Variants in CHST12 observed in about 807,000 individuals in gnomAD.
The protein encoded by CHST12 is carbohydrate sulfotransferase 12, also known as carbohydrate (chondroitin 4) sulfotransferase 12.
A neutral mutation model predicts 27.9 loss-of-function variants in CHST12; 23 were observed. The ratio of observed to expected loss-of-function variants is 0.82; its 90% CI spans 0.59 to 1.17. The LOEUF (loss-of-function observed/expected upper bound fraction) is 1.17, where lower values mean the gene tolerates loss of function less well. Among genes scored for constraint, CHST12 ranks in the 50% most tolerant of loss-of-function variants. The pLI is 0.00. For missense variants in CHST12, 682 were observed against 603.0 expected (o/e 1.13, Z -1.37); for synonymous variants, 322 against 273.0 (o/e 1.18, Z -1.77).
At chr7:2,422,418 A>G (rs1215880781) in intron 1 of CHST12, among the ~76,000 whole-genome samples, 1 of 147,818 alleles carries the variant, frequency 6.8e-6, no homozygotes, top group Non-Finnish European at 1.5e-5. Context: ...CTTATTTTGT[A>G]TTTTTAGTAG....
In CHST12 at chr7:2,417,226, C is replaced by CTTT. The variant is rs1210382918; in HGVS notation, c.-78+13567_-78+13569dup. ...GAGAGAGTTGATTCTCTTACTCTAC[C>CTTT]TTTTTTTTTTTTTTTTGAGGCAGAG... On this transcript the variant is annotated intron_variant, in intron 1 of 1. Transcript: ENST00000618655. Among the ~76,000 whole-genome samples, 4 of 139,092 alleles carry CTTT rather than the reference C, an allele frequency of 2.9e-5. No individual in the cohort carries two copies. The South Asian group carries it at 6.9e-4, about 24-fold the overall frequency. The allele number at this position is 139,092 out of a possible 152,430, so 91.2% of individuals were successfully genotyped here. A position where few individuals can be genotyped will look rare whatever the true frequency, so the allele number is the denominator to read the frequency against.
At chr7:2,404,192 C>T (rs1053781744) in intron 1 of CHST12, 1 of 152,378 alleles carries the variant, frequency 6.6e-6, no homozygotes, top group Non-Finnish European at 1.5e-5. Flanking sequence ...CTGCAGACGC[C>T]AGCAGCACCG....
intron 1 of CHST12, among the ~76,000 whole-genome samples, chr7:2,413,955 C>G (rs1029730757): frequency 2.0e-5 from 3 of 152,026 alleles, no homozygotes; most frequent in African/African-American, 7.2e-5. Context: ...TCTTGAACTT[C>G]TGACCTCAGG....
chr7:2,432,487 C>A, intron 1 of CHST12, 76 bp from the exon 2 acceptor site: 3 of 887,642 alleles, frequency 3.4e-6, no homozygotes, highest in Non-Finnish European at 5.0e-6. Context: ...GGACCCCAGT[C>A]CCCCACTGAT....
At chr7:2,420,904 A>T (rs191295246) in intron 1 of CHST12, among the ~76,000 whole-genome samples, 18 of 152,250 alleles carry the variant, frequency 1.2e-4, no homozygotes, top group Admixed American at 9.8e-4. Flanking sequence ...TCACTGTGTC[A>T]CCAAGTCTGG....
intron 1 of CHST12, among the ~76,000 whole-genome samples, chr7:2,423,810 C>T (rs908531445): frequency 2.6e-5 from 4 of 152,164 alleles, no homozygotes; most frequent in Admixed American, 1.3e-4. Context: ...AGAGGCCAGG[C>T]GTGGTGGCTC....
chr7:2,408,627 A>G (rs915439069), intron 1 of CHST12, among the ~76,000 whole-genome samples: 1 of 152,046 alleles, frequency 6.6e-6, no homozygotes, highest in African/African-American at 2.4e-5. Context: ...ATTCTGAAGG[A>G]TGCATTTGCA....
At chr7:2,427,720 G>A (rs900724142) in intron 1 of CHST12, among the ~76,000 whole-genome samples, 1 of 152,080 alleles carries the variant, frequency 6.6e-6, no homozygotes, top group African/African-American at 2.4e-5. Context: ...TCCTGTAGGA[G>A]TTGATTTTTT....
At chr7:2,422,572 C>T (rs1161176384) in intron 1 of CHST12, among the ~76,000 whole-genome samples, 5 of 146,034 alleles carry the variant, frequency 3.4e-5, no homozygotes, top group Non-Finnish European at 6.0e-5. Context: ...AGTCTTGTTC[C>T]GTCACCAGGC....
intron 1 of CHST12, among the ~76,000 whole-genome samples, chr7:2,432,189 A>C (rs563762423): frequency 7.6e-6 from 1 of 132,044 alleles, no homozygotes; most frequent in East Asian, 2.5e-4. Flanking sequence ...CAGCCTTGGG[A>C]AGAGTTGCAG....
rs1782711315 is a variant in CHST12 at position 2,444,851 on chromosome 7, C to T, written c.*10967C>T. 1.3e-5 allele frequency: 2 copies of T among 152,178 alleles called. No homozygotes were observed. The highest frequency in any genetic ancestry group is 4.1e-4 in the South Asian group (2 of 4,830). The allele number at this position is 152,178 out of a possible 1,614,324, so 9.4% of individuals were successfully genotyped here. A position where few individuals can be genotyped will look rare whatever the true frequency, so the allele number is the denominator to read the frequency against. Reference sequence around the variant, plus strand: ...CCTCATTCAATCATCTGAGGTTCTTCCCAGGAAAATTATAGTGGGAACTCT... The same window carrying T: ...CCTCATTCAATCATCTGAGGTTCTTTCCAGGAAAATTATAGTGGGAACTCT... On this transcript the variant is annotated 3_prime_UTR_variant, in exon 2 of 2. Transcript: ENST00000618655.
At chr7:2,403,948 G>C (rs983087404) in intron 1 of CHST12, among the ~76,000 whole-genome samples, 3 of 152,110 alleles carry the variant, frequency 2.0e-5, no homozygotes, top group Non-Finnish European at 4.4e-5. Flanking sequence ...CGCGTTCTGC[G>C]GCTCCTCGGG....
intron 1 of CHST12, among the ~76,000 whole-genome samples, chr7:2,410,086 G>A (rs1468253156): frequency 1.3e-5 from 2 of 152,130 alleles, no homozygotes; most frequent in East Asian, 1.9e-4. Context: ...CCGGCCGAGC[G>A]CTTTCTTTCG....
intron 1 of CHST12, among the ~76,000 whole-genome samples, chr7:2,415,032 AAG>A (rs1781768324): frequency 6.6e-6 from 1 of 152,204 alleles, no homozygotes; most frequent in African/African-American, 2.4e-5. Flanking sequence ...TATCGCAATA[AAG>A]AGAGTCAACA....
chr7:2,435,402 A>C lies in CHST12; in HGVS notation c.*1518A>C, dbSNP rs1782448084. 2 of 152,210 alleles carry C rather than the reference A, an allele frequency of 1.3e-5. No homozygotes were observed. The highest frequency in any genetic ancestry group is 4.8e-5 in the African/African-American group (2 of 41,414). The allele number at this position is 152,210 out of a possible 1,614,324, so 9.4% of individuals were successfully genotyped here. ...GTCTCTGTGGCTTTCTGGTTGGTTTAGCTCCAGTGCCTTCACCCTCAAGGA... is the reference window on the plus strand; with the variant it reads ...GTCTCTGTGGCTTTCTGGTTGGTTTCGCTCCAGTGCCTTCACCCTCAAGGA... On this transcript the variant is annotated 3_prime_UTR_variant, in exon 2 of 2. Coordinates refer to ENST00000618655, the MANE Select transcript of CHST12 (RefSeq NM_018641.5).
chr7:2,421,203 G>A (rs1325953580), intron 1 of CHST12, among the ~76,000 whole-genome samples: 4 of 146,148 alleles, frequency 2.7e-5, no homozygotes, highest in Non-Finnish European at 6.0e-5. Flanking sequence ...GACTGTAAGT[G>A]CACACCACCA....
intron 1 of CHST12, among the ~76,000 whole-genome samples, chr7:2,419,401 CAAAAAAA>C (rs35870806): frequency 4.4e-5 from 5 of 113,066 alleles, no homozygotes; most frequent in African/African-American, 7.0e-5. Context: ...ACCCTGTCTC[CAAAAAAA>C]AAAAAAAAAA....
chr7:2,445,907 A>G lies in CHST12; in HGVS notation c.*12023A>G, dbSNP rs1405605443. On this transcript the variant is annotated 3_prime_UTR_variant, in exon 2 of 2. Coordinates refer to ENST00000618655, the MANE Select transcript of CHST12 (RefSeq NM_018641.5). ...GTTTAATGGACGGCTCTTTGAAGTCATGGGCTGAGCCAGAAGGAATTGTCA... is the reference window on the plus strand; with the variant it reads ...GTTTAATGGACGGCTCTTTGAAGTCGTGGGCTGAGCCAGAAGGAATTGTCA... 2.0e-5 allele frequency: 3 copies of G among 152,244 alleles called. No homozygotes were observed. In the East Asian group the frequency reaches 5.8e-4, roughly 29 times the overall value. The allele number at this position is 152,244 out of a possible 1,614,324, so 9.4% of individuals were successfully genotyped here. A position where few individuals can be genotyped will look rare whatever the true frequency, so the allele number is the denominator to read the frequency against.
intron 1 of CHST12, among the ~76,000 whole-genome samples, chr7:2,431,432 T>C (rs572345453): frequency 6.6e-6 from 1 of 152,286 alleles, no homozygotes; most frequent in South Asian, 2.1e-4. Flanking sequence ...GGGTGCCAGA[T>C]AGGGGTGGAG....
Sources: allele counts gnomAD v4.1 joint callset (sites outside exome capture counted in the v4.1 genomes callset), GRCh38; gene constraint gnomAD v4.1.1; transcripts MANE v1.5; gene names NCBI Gene and HGNC (gene_info 2026-07-23, HGNC 2026-07-21).